DOCK3: variants seen among roughly 807,000 people sequenced by gnomAD.
DOCK3 encodes dedicator of cytokinesis protein 3.
In DOCK3, 60 loss-of-function variants were observed where a neutral mutation model predicts 265.6. That is an observed-to-expected ratio of 0.23 (90% confidence interval 0.18 to 0.28). The LOEUF (loss-of-function observed/expected upper bound fraction) is 0.28, where lower values mean the gene tolerates loss of function less well. DOCK3 is among the 10% of genes least tolerant of loss of function. DOCK3 has a pLI of 1.00. For synonymous variants in DOCK3, 881 were observed against 938.0 expected (o/e 0.94, Z 1.11); for missense variants, 1,981 against 2,594.3 (o/e 0.76, Z 5.14).
At chr3:51,191,207 C>T (rs1001526028) in intron 12 of DOCK3, among the ~76,000 whole-genome samples, 4 of 152,180 alleles carry the variant, frequency 2.6e-5, no homozygotes, top group African/African-American at 7.2e-5. Flanking sequence ...AGCTGGGGCA[C>T]CTGGCTCCTG....
At chr3:50,796,934 T>C (rs2042821807) in intron 2 of DOCK3, among the ~76,000 whole-genome samples, 1 of 151,980 alleles carries the variant, frequency 6.6e-6, no homozygotes, top group Non-Finnish European at 1.5e-5. Flanking sequence ...CTGACTTTGC[T>C]CTCTGACTCC....
intron 5 of DOCK3, among the ~76,000 whole-genome samples, chr3:51,007,174 T>A (rs2108736891): frequency 6.6e-6 from 1 of 152,328 alleles, no homozygotes; most frequent in Admixed American, 6.5e-5. Context: ...GTATTTCTAG[T>A]TCTAGATCCT....
intron 3 of DOCK3, among the ~76,000 whole-genome samples, chr3:50,857,145 G>A (rs1196642253): frequency 6.6e-6 from 1 of 151,970 alleles, no homozygotes; most frequent in African/African-American, 2.4e-5. Context: ...TATTTTTGTT[G>A]TGTCCTTGCC....
In DOCK3 at chr3:51,361,696, C is replaced by T. The variant is rs1369757587; in HGVS notation, c.5007-163C>T. 6.6e-6 allele frequency among the ~76,000 whole-genome samples: 1 copy of T among 152,138 alleles called. No homozygotes were observed. Among genetic ancestry groups the T allele is most frequent in the African/African-American group, 2.4e-5 (1 of 41,412 alleles). ...GGCTCCTGAGTAGCAGGGTACAGCT[C>T]AGGACTGCTCCAGGCCTCAGATGGG... is the stretch of plus-strand genomic sequence containing the variant. On this transcript the variant is annotated intron_variant, in intron 47 of 52. Coordinates refer to ENST00000266037, the MANE Select transcript of DOCK3 (RefSeq NM_004947.5). The surrounding 1 kb of genome is among the most constrained non-coding windows in gnomAD (Gnocchi z 4.2).
At chr3:51,063,552 A>G (rs2081494622) in intron 5 of DOCK3, among the ~76,000 whole-genome samples, 2 of 152,230 alleles carry the variant, frequency 1.3e-5, no homozygotes, top group Non-Finnish European at 2.9e-5. Context: ...TAAATCTCAT[A>G]CAGATATTTT....
intron 2 of DOCK3, among the ~76,000 whole-genome samples, chr3:50,828,055 A>G (rs1277221787): frequency 6.6e-6 from 1 of 151,544 alleles, no homozygotes; most frequent in Non-Finnish European, 1.5e-5. Flanking sequence ...CAGCTTCCTG[A>G]ATAGCTGGGA....
chr3:51,344,979 G>A (rs1244620946), intron 38 of DOCK3, among the ~76,000 whole-genome samples: 2 of 152,202 alleles, frequency 1.3e-5, no homozygotes, highest in East Asian at 1.9e-4. Flanking sequence ...CCCAATGGAG[G>A]AGAAGACCTG....
intron 22 of DOCK3, among the ~76,000 whole-genome samples, chr3:51,256,518 G>T (rs1351893432): frequency 2.7e-5 from 4 of 150,936 alleles, no homozygotes; most frequent in Admixed American, 1.3e-4. Context: ...TGATCCGGCT[G>T]CCTTGGCATC....
intron 1 of DOCK3, among the ~76,000 whole-genome samples, chr3:50,758,539 T>A (rs2108367266): frequency 6.6e-6 from 1 of 152,276 alleles, no homozygotes; most frequent in East Asian, 1.9e-4. Context: ...AACGCGCCGA[T>A]CTCGTCTGAA....
At chr3:51,111,762 G>C (rs1304526764) in intron 9 of DOCK3, among the ~76,000 whole-genome samples, 1 of 152,154 alleles carries the variant, frequency 6.6e-6, no homozygotes. Context: ...ACTATCAACA[G>C]AGTAAACAGA....
At chr3:50,699,474 A>G (rs981064936) in intron 1 of DOCK3, among the ~76,000 whole-genome samples, 2 of 121,366 alleles carry the variant, frequency 1.6e-5, no homozygotes, top group Admixed American at 9.2e-5. Context: ...TTTTTTTGAG[A>G]TGGATTCTTG....
intron 2 of DOCK3, among the ~76,000 whole-genome samples, chr3:50,798,119 C>G (rs1325343234): frequency 6.6e-6 from 1 of 152,002 alleles, no homozygotes; most frequent in Non-Finnish European, 1.5e-5. Context: ...AAGTATTGAT[C>G]ACAGGTGGAA....
intron 35 of DOCK3, among the ~76,000 whole-genome samples, chr3:51,337,225 A>G (rs770281885): frequency 6.6e-6 from 1 of 152,234 alleles, no homozygotes; most frequent in Non-Finnish European, 1.5e-5. Context: ...GCTTTGCAGA[A>G]TATCATGAGA....
At chr3:50,831,184 G>GTTTT (rs200540468) in intron 2 of DOCK3, among the ~76,000 whole-genome samples, 1,097 of 96,986 alleles carry the variant, frequency 0.011, 13 homozygotes, top group African/African-American at 0.037. Context: ...ACTGCAACCT[G>GTTTT]TTTTATTTAT....
intron 5 of DOCK3, among the ~76,000 whole-genome samples, chr3:51,005,045 T>TG (rs2078630979): frequency 1.1e-4 from 17 of 151,904 alleles, no homozygotes; most frequent in Admixed American, 1.1e-3. Context: ...ACATTCTTCA[T>TG]TTTAAGAGAA....
chr3:51,106,508 A>G (rs1462986524), intron 9 of DOCK3, among the ~76,000 whole-genome samples: 5 of 152,260 alleles, frequency 3.3e-5, no homozygotes, highest in East Asian at 1.9e-4. Context: ...ACCTGCCTAC[A>G]TGAGTGTCCT....
At chr3:51,150,083 C>G (rs1265386418) in intron 10 of DOCK3, among the ~76,000 whole-genome samples, 1 of 152,062 alleles carries the variant, frequency 6.6e-6, no homozygotes, top group Non-Finnish European at 1.5e-5. Flanking sequence ...TGTATGTGTC[C>G]AGGAATTTAT....
chr3:50,686,932 G>A (rs1291485520), intron 1 of DOCK3, among the ~76,000 whole-genome samples: 2 of 116,188 alleles, frequency 1.7e-5, no homozygotes, highest in Non-Finnish European at 1.8e-5. Context: ...AAAAAATGCC[G>A]GGCACAGTGG....
chr3:51,323,252 T>C (rs1016734516), intron 32 of DOCK3, among the ~76,000 whole-genome samples: 6 of 152,106 alleles, frequency 3.9e-5, no homozygotes, highest in African/African-American at 1.4e-4. Flanking sequence ...CACACAATAA[T>C]AGTGGGAGTC....
Sources: gnomAD v4.1 joint callset for allele counts (sites outside exome capture counted in the v4.1 genomes callset) on GRCh38, gnomAD v4.1.1 for gene constraint, Gnocchi (gnomAD v3.1) non-coding constraint, MANE v1.5 for transcripts, NCBI Gene and HGNC (gene_info 2026-07-23, HGNC 2026-07-21) for gene names.